CDC14A: variants seen among roughly 807,000 people sequenced by gnomAD.
CDC14A encodes cell division cycle 14A, also known as dual specificity protein phosphatase CDC14A.
Under a neutral mutation model 74.4 loss-of-function variants are expected in CDC14A, and 53 were observed. That is an observed-to-expected ratio of 0.71 (90% CI 0.57 to 0.89). The LOEUF is 0.89. Among genes scored for constraint, CDC14A ranks in the 40% least tolerant of loss-of-function variants. The probability of loss-of-function intolerance (pLI) is 0.00; values close to 1 mark genes in which losing one functional copy is unlikely to be tolerated. For synonymous variants in CDC14A, 247 were observed against 258.4 expected (o/e 0.96, Z 0.43); for missense variants, 646 against 713.7 (o/e 0.91, Z 1.08).
chr1:100,394,383 G>T (rs1468843012), intron 4 of CDC14A, among the ~76,000 whole-genome samples: 2 of 152,172 alleles, frequency 1.3e-5, no homozygotes, highest in Admixed American at 6.5e-5. Flanking sequence ...CTCCCAAAGT[G>T]CTGGGATTAC....
intron 2 of CDC14A, among the ~76,000 whole-genome samples, chr1:100,359,947 T>C (rs377381320): frequency 2.9e-4 from 35 of 118,776 alleles, no homozygotes; most frequent in Non-Finnish European, 3.5e-4. Context: ...CCTTCTTCTT[T>C]TTTTTTTTTT....
At chr1:100,351,900 A>G, upstream of CDC14A, 1 of 1,160,510 alleles carries the variant, frequency 8.6e-7, no homozygotes, top group Admixed American at 2.1e-5. Context: ...AGACCCCCTC[A>G]GTGTTGGGCG....
intron 6 of CDC14A, among the ~76,000 whole-genome samples, chr1:100,441,268 G>A (rs921470262): frequency 2.6e-5 from 4 of 152,122 alleles, no homozygotes; most frequent in African/African-American, 9.7e-5. Flanking sequence ...CAAATGTTGG[G>A]GTTAACTCAA....
intron 4 of CDC14A, among the ~76,000 whole-genome samples, chr1:100,423,196 C>T (rs1401116843): frequency 6.6e-6 from 1 of 152,182 alleles, no homozygotes; most frequent in East Asian, 1.9e-4. Context: ...CCCCTGTCCT[C>T]TTCTCTCAGT....
intron 4 of CDC14A, chr1:100,392,960 G>C: frequency 1.0e-6 from 1 of 1,000,972 alleles, no homozygotes; most frequent in Non-Finnish European, 1.5e-6. Context: ...AGTTGCTGTT[G>C]TCCTTAACAG....
intron 4 of CDC14A, among the ~76,000 whole-genome samples, chr1:100,395,024 G>A (rs188731890): frequency 6.6e-6 from 1 of 152,296 alleles, no homozygotes; most frequent in East Asian, 1.9e-4. Flanking sequence ...ACTTACATGA[G>A]GCAAGCTAGG....
chr1:100,431,037 C>A (rs538816632), intron 5 of CDC14A, among the ~76,000 whole-genome samples: 1 of 152,280 alleles, frequency 6.6e-6, no homozygotes, highest in African/African-American at 2.4e-5. Context: ...CTTTTCCAGT[C>A]CAAACTGTTG....
rs28361230 is a variant in CDC14A, at chr1:100,440,013, C to T, written c.456+15C>T. 5.0e-4 allele frequency: 791 copies of T among 1,593,126 alleles called. 4 individuals are homozygous for T. In the African/African-American group the frequency reaches 9.8e-3, roughly 20 times the overall value. Reference sequence around the variant, plus strand: ...GAATCAGAAAGGTAATAACAATTCTCCTTGCTGTAGTTGACACAGTAGTTT... The same window carrying T: ...GAATCAGAAAGGTAATAACAATTCTTCTTGCTGTAGTTGACACAGTAGTTT... On this transcript the variant is annotated intron_variant, in intron 6 of 15. Coordinates refer to ENST00000336454, the MANE Select transcript of CDC14A (RefSeq NM_003672.4).
chr1:100,498,000 ATTAAT>A (rs1186800930), intron 13 of CDC14A, 80 bp from the exon 14 acceptor site: 19 of 1,410,326 alleles, frequency 1.3e-5, no homozygotes, highest in Non-Finnish European at 1.9e-5. Flanking sequence ...TTTAAGATTG[ATTAAT>A]TTATCTTGTC....
intron 1 of CDC14A, among the ~76,000 whole-genome samples, chr1:100,346,235 T>C (rs763594557): frequency 6.6e-6 from 1 of 152,150 alleles, no homozygotes; most frequent in Non-Finnish European, 1.5e-5. Flanking sequence ...AGCTCACTAA[T>C]ATTTCTCAGC....
intron 2 of CDC14A, among the ~76,000 whole-genome samples, chr1:100,364,820 C>G (rs1478330883): frequency 2.0e-5 from 3 of 152,148 alleles, no homozygotes; most frequent in African/African-American, 7.2e-5. Flanking sequence ...ATTAACTGAC[C>G]TTCTCTAACG....
intron 5 of CDC14A, among the ~76,000 whole-genome samples, chr1:100,430,354 A>G (rs1399000746): frequency 6.6e-6 from 1 of 152,178 alleles, no homozygotes; most frequent in African/African-American, 2.4e-5. Context: ...CAATCCTTTT[A>G]TGACATCTGT....
At chr1:100,456,235 A>T (rs1385650812) in intron 8 of CDC14A, among the ~76,000 whole-genome samples, 1 of 152,238 alleles carries the variant, frequency 6.6e-6, no homozygotes, top group Non-Finnish European at 1.5e-5. Context: ...AAATAAAAAC[A>T]AAACTAAAAA....
At chr1:100,400,590 C>T (rs1192601986) in intron 4 of CDC14A, among the ~76,000 whole-genome samples, 5 of 152,050 alleles carry the variant, frequency 3.3e-5, no homozygotes, top group African/African-American at 1.2e-4. Flanking sequence ...TGATAGGCAA[C>T]TCTTTTGTGA....
chr1:100,391,246 G>T (rs527584134), intron 4 of CDC14A, among the ~76,000 whole-genome samples: 1 of 152,264 alleles, frequency 6.6e-6, no homozygotes, highest in African/African-American at 2.4e-5. Context: ...GGGGAGGATT[G>T]TTATTATTTT....
intron 3 of CDC14A, among the ~76,000 whole-genome samples, chr1:100,378,139 G>C (rs1655542022): frequency 6.6e-6 from 1 of 152,186 alleles, no homozygotes; most frequent in Non-Finnish European, 1.5e-5. Context: ...TGAGATGATA[G>C]AATTCTGGTC....
At chr1:100,432,388 G>A (rs1663801837) in intron 5 of CDC14A, among the ~76,000 whole-genome samples, 1 of 152,206 alleles carries the variant, frequency 6.6e-6, no homozygotes, top group Non-Finnish European at 1.5e-5. Flanking sequence ...ATAGTCTGCA[G>A]CTGAACTGTC....
chr1:100,449,438 C>T, intron 7 of CDC14A, among the ~76,000 whole-genome samples: 1 of 152,166 alleles, frequency 6.6e-6, no homozygotes. Context: ...TTGACATGGG[C>T]TTGTCCTTCC....
intron 4 of CDC14A, among the ~76,000 whole-genome samples, chr1:100,394,310 C>T (rs1015750991): frequency 2.6e-5 from 4 of 151,972 alleles, no homozygotes; most frequent in Non-Finnish European, 5.9e-5. Flanking sequence ...AGAGACAGTG[C>T]CTTGCTTTGT....
Sources: allele counts gnomAD v4.1 joint callset (sites outside exome capture counted in the v4.1 genomes callset), GRCh38; gene constraint gnomAD v4.1.1; transcripts MANE v1.5; gene names NCBI Gene and HGNC (gene_info 2026-07-23, HGNC 2026-07-21).